Variants in PLEKHG1 observed in about 807,000 individuals in gnomAD.
PLEKHG1 encodes pleckstrin homology domain-containing family G member 1.
Under a neutral mutation model 100.8 loss-of-function variants are expected in PLEKHG1, and 44 were observed. That is an observed-to-expected ratio of 0.44 (90% CI 0.34 to 0.56). The LOEUF (loss-of-function observed/expected upper bound fraction) is 0.56, where lower values mean the gene tolerates loss of function less well. Among genes scored for constraint, PLEKHG1 ranks in the 20% least tolerant of loss-of-function variants. PLEKHG1 has a pLI of 0.01. For synonymous variants in PLEKHG1, 640 were observed against 662.5 expected (o/e 0.97, Z 0.52); for missense variants, 1,545 against 1,720.9 (o/e 0.90, Z 1.81).
chr6:150,836,517 CCAGACCAAAAGCT>C (rs1178473519), intron 15 of PLEKHG1, among the ~76,000 whole-genome samples: 1 of 152,032 alleles, frequency 6.6e-6, no homozygotes, highest in Admixed American at 6.6e-5. Flanking sequence ...CATTGTTCTC[CCAGACCAAAAGCT>C]CAGAGGCCAG....
At chr6:150,794,487 G>A (rs1274226340) in intron 4 of PLEKHG1, among the ~76,000 whole-genome samples, 2 of 152,100 alleles carry the variant, frequency 1.3e-5, no homozygotes, top group Non-Finnish European at 2.9e-5. Flanking sequence ...CCAACATGGC[G>A]AAACCCTATC....
At chr6:150,802,801 C>G (rs1786791495) in intron 6 of PLEKHG1, among the ~76,000 whole-genome samples, 1 of 151,892 alleles carries the variant, frequency 6.6e-6, no homozygotes, top group Non-Finnish European at 1.5e-5. Context: ...GCTGGGACTA[C>G]AGGCGCGCAC....
At chr6:150,822,561 A>G (rs1302558582) in intron 13 of PLEKHG1, among the ~76,000 whole-genome samples, 1 of 152,244 alleles carries the variant, frequency 6.6e-6, no homozygotes, top group Non-Finnish European at 1.5e-5. Context: ...AGAAATTGTA[A>G]TACATCCATA....
chr6:150,619,900 T>C (rs1326227745), intron 1 of PLEKHG1, among the ~76,000 whole-genome samples: 1 of 152,210 alleles, frequency 6.6e-6, no homozygotes, highest in Non-Finnish European at 1.5e-5. Context: ...CAACAGCCCA[T>C]TTACTGCTTG....
chr6:150,718,469 C>CT (rs3072740), upstream of PLEKHG1, among the ~76,000 whole-genome samples: 47,041 of 130,646 alleles, frequency 0.36, 9,853 homozygotes, highest in Middle Eastern at 0.46. Flanking sequence ...CTTCCCTTTA[C>CT]TTTTTTTTTT....
At chr6:150,724,146 A>T (rs1470178845) in intron 1 of PLEKHG1, among the ~76,000 whole-genome samples, 3 of 152,242 alleles carry the variant, frequency 2.0e-5, no homozygotes, top group African/African-American at 7.2e-5. Context: ...GGGCACTGGT[A>T]TCCTTCTTAG....
intron 3 of PLEKHG1, among the ~76,000 whole-genome samples, chr6:150,693,710 C>T (rs1367431714): frequency 6.6e-6 from 1 of 152,164 alleles, no homozygotes; most frequent in African/African-American, 2.4e-5. Context: ...CAGCTCGATA[C>T]CCAGCCCTTG....
rs56982419 is a variant in PLEKHG1, at chr6:150,701,417, T to TTATATATATATA, written c.-98-32128_-98-32117dup. Among the ~76,000 whole-genome samples, 60 of 31,130 alleles carry TTATATATATATA rather than the reference T, an allele frequency of 1.9e-3. 5 individuals are homozygous for TTATATATATATA. The highest frequency in any genetic ancestry group is 2.4e-3 in the Non-Finnish European group (43 of 18,224). 20.4% of individuals were successfully genotyped at this position (31,130 alleles called of 152,430 possible). On this transcript the variant is annotated intron_variant, in intron 3 of 3. Coordinates refer to the PLEKHG1 transcript ENST00000367326. Reference sequence around the variant, plus strand: ...TTTGTAAAGAATAAGCAGTAATTCTTTATATATATATATATATATATATAT... The same window carrying TTATATATATATA: ...TTTGTAAAGAATAAGCAGTAATTCTTTATATATATATATATATATATATATATATATATATAT...
intron 1 of PLEKHG1, among the ~76,000 whole-genome samples, chr6:150,634,882 A>C (rs1777926109): frequency 6.6e-6 from 1 of 152,228 alleles, no homozygotes; most frequent in Non-Finnish European, 1.5e-5. Context: ...CCGACCTCAG[A>C]GTAGGAGTGG....
At chr6:150,647,023 T>C (rs1778530344) in intron 2 of PLEKHG1, among the ~76,000 whole-genome samples, 1 of 152,238 alleles carries the variant, frequency 6.6e-6, no homozygotes. Context: ...TCATGTGTTT[T>C]ACTCAAGAAA....
Position 150,831,719 on chromosome 6 carries a change from G to C in PLEKHG1, c.2608G>C (p.Asp870His). Residue 870 changes from aspartate (D) to histidine (H), a missense_variant, in exon 15 of 16, where the codon GAC becomes CAC. Transcript: ENST00000358517. This position sits in a 1 kb window ranked among gnomAD's most constrained non-coding sequence, Gnocchi z 4.1. ...TCCTGTGAGCAAGGATGATGTGCCA[G>C]ACAGGCTGCACGCAGAGAGCACCCC... 6.2e-7 allele frequency: 1 copy of C among 1,613,328 alleles called. No individual in the cohort carries two copies. The highest frequency in any genetic ancestry group is 2.2e-5 in the East Asian group (1 of 44,876).
chr6:150,610,291 G>A (rs1323051239), intron 1 of PLEKHG1, among the ~76,000 whole-genome samples: 1 of 152,080 alleles, frequency 6.6e-6, no homozygotes, highest in East Asian at 1.9e-4. Context: ...TAGTGGAGAT[G>A]GGGTTTCACC....
At chr6:150,800,766 A>G (rs775849713) in exon 6 of PLEKHG1, 1 of 1,613,954 alleles carries the variant, frequency 6.2e-7, no homozygotes, top group African/African-American at 1.3e-5. Flanking sequence ...ATACTGGCCA[A>G]ATTCTTCAGG....
intron 2 of PLEKHG1, among the ~76,000 whole-genome samples, chr6:150,641,972 G>A (rs1413147077): frequency 7.5e-6 from 1 of 133,690 alleles, no homozygotes; most frequent in African/African-American, 2.8e-5. Context: ...TTCAAGTGAT[G>A]TAACACATTT....
chr6:150,805,980 A>G (rs1409243985), intron 7 of PLEKHG1, among the ~76,000 whole-genome samples: 13 of 152,244 alleles, frequency 8.5e-5, no homozygotes, highest in Admixed American at 8.5e-4. Context: ...AAACAAAACA[A>G]GAGGCTGCAT....
At chr6:150,703,557 C>T (rs1296207498) in intron 3 of PLEKHG1, among the ~76,000 whole-genome samples, 3 of 150,966 alleles carry the variant, frequency 2.0e-5, no homozygotes, top group African/African-American at 4.9e-5. Flanking sequence ...GCCAAGATTG[C>T]GCCACTGCAC....
intron 3 of PLEKHG1, among the ~76,000 whole-genome samples, chr6:150,776,826 C>T (rs1431390869): frequency 7.0e-5 from 10 of 143,422 alleles, no homozygotes; most frequent in South Asian, 2.2e-4. Context: ...GCAATCCTGG[C>T]GTACATGTGC....
chr6:150,603,129 T>C (rs951780596), intron 1 of PLEKHG1, among the ~76,000 whole-genome samples: 1 of 150,758 alleles, frequency 6.6e-6, no homozygotes, highest in East Asian at 1.9e-4. Context: ...TAATCCCTTG[T>C]CTCTTTTGAC....
chr6:150,626,619 G>A (rs1293013442), intron 1 of PLEKHG1, among the ~76,000 whole-genome samples: 1 of 152,022 alleles, frequency 6.6e-6, no homozygotes, highest in Non-Finnish European at 1.5e-5. Context: ...AGCATTTTTT[G>A]TTTCTAAGGT....
Sources: allele counts gnomAD v4.1 joint callset (sites outside exome capture counted in the v4.1 genomes callset), GRCh38; gene constraint gnomAD v4.1.1; non-coding constraint Gnocchi (gnomAD v3.1); transcripts MANE v1.5; gene names NCBI Gene and HGNC (gene_info 2026-07-23, HGNC 2026-07-21).